Variants in SHISA6 observed in about 807,000 individuals in gnomAD.
The protein encoded by SHISA6 is shisa family member 6, also known as protein shisa-6.
Under a neutral mutation model 47.9 loss-of-function variants are expected in SHISA6, and 22 were observed. The observed-to-expected ratio is 0.46, with a 90% CI of 0.33 to 0.66. SHISA6 has a LOEUF of 0.66. SHISA6 is among the 30% of genes least tolerant of loss of function. The pLI, the probability that SHISA6 is intolerant of heterozygous loss-of-function variation, is 0.02. For missense variants in SHISA6, 680 were observed against 764.6 expected (o/e 0.89, Z 1.30); for synonymous variants, 388 against 337.8 (o/e 1.15, Z -1.63).
intron 2 of SHISA6, among the ~76,000 whole-genome samples, chr17:11,287,289 GGAA>G (rs1909341245): frequency 2.3e-5 from 3 of 130,096 alleles, no homozygotes; most frequent in African/African-American, 8.5e-5. Context: ...AGGAAGGAAA[GGAA>G]GGAAGGAAGG....
chr17:11,306,101 C>T (rs1004397420), intron 2 of SHISA6, among the ~76,000 whole-genome samples: 7 of 152,162 alleles, frequency 4.6e-5, no homozygotes, highest in Admixed American at 1.3e-4. Flanking sequence ...TGACAGTGTA[C>T]TAAGTGTTTT....
intron 2 of SHISA6, among the ~76,000 whole-genome samples, chr17:11,350,054 C>A (rs1297975064): frequency 1.3e-5 from 2 of 151,848 alleles, no homozygotes; most frequent in African/African-American, 4.8e-5. Flanking sequence ...CCATGTTCTC[C>A]CCACCTTTTT....
intron 3 of SHISA6, among the ~76,000 whole-genome samples, chr17:11,521,956 TTTTA>T (rs1426718744): frequency 1.3e-5 from 2 of 151,350 alleles, no homozygotes; most frequent in African/African-American, 2.4e-5. Flanking sequence ...AAATTATTAT[TTTTA>T]TTTATTTATT....
chr17:11,343,254 A>T (rs891273977), intron 2 of SHISA6, among the ~76,000 whole-genome samples: 10 of 152,216 alleles, frequency 6.6e-5, no homozygotes, highest in Admixed American at 6.5e-4. Flanking sequence ...TAAGCTTCTC[A>T]GTTAATTTCC....
At chr17:11,374,889 A>T (rs959825551) in intron 2 of SHISA6, among the ~76,000 whole-genome samples, 2 of 152,032 alleles carry the variant, frequency 1.3e-5, no homozygotes. Flanking sequence ...GGGCGTCATC[A>T]TTGTTTTCAT....
At chr17:11,431,804 C>CAAAACA (rs1347767739) in intron 3 of SHISA6, among the ~76,000 whole-genome samples, 3 of 152,130 alleles carry the variant, frequency 2.0e-5, no homozygotes, top group South Asian at 2.1e-4. Flanking sequence ...ACAACAAAAA[C>CAAAACA]AAAACAAAAA....
chr17:11,279,267 C>T (rs1270820897), intron 2 of SHISA6, among the ~76,000 whole-genome samples: 1 of 152,176 alleles, frequency 6.6e-6, no homozygotes, highest in Non-Finnish European at 1.5e-5. Flanking sequence ...AGCAAAGACA[C>T]TGCTTAACCT....
chr17:11,544,539 A>T (rs2071865286), intron 3 of SHISA6, among the ~76,000 whole-genome samples: 1 of 152,126 alleles, frequency 6.6e-6, no homozygotes, highest in African/African-American at 2.4e-5. Context: ...GCTAAAATTA[A>T]AAAAAAAGAA....
At chr17:11,312,294 T>G (rs1910366883) in intron 2 of SHISA6, among the ~76,000 whole-genome samples, 4 of 152,196 alleles carry the variant, frequency 2.6e-5, no homozygotes. Context: ...ATGTTTTTGT[T>G]TAATTATTAA....
chr17:11,243,273 G>C (rs1907444631), intron 1 of SHISA6, among the ~76,000 whole-genome samples: 1 of 151,756 alleles, frequency 6.6e-6, no homozygotes, highest in African/African-American at 2.4e-5. Context: ...AAGGCAGATA[G>C]AAATTTCTAG....
At position 11,486,059 on chromosome 17, in the gene SHISA6, T is replaced by C. The variant is rs542585224; in HGVS notation, c.896-65837T>C. ...GTAAGAAGCAAACAGGGGGAGTTTTTTCCTTGAATGGGCCGCTCTTCATTT... is the reference window on the plus strand; with the variant it reads ...GTAAGAAGCAAACAGGGGGAGTTTTCTCCTTGAATGGGCCGCTCTTCATTT... On this transcript the variant is annotated intron_variant, in intron 3 of 5. Coordinates refer to ENST00000441885, the MANE Select transcript of SHISA6 (RefSeq NM_207386.4). 2.4e-4 allele frequency among the ~76,000 whole-genome samples: 36 copies of C among 152,300 alleles called. 1 individual carries two copies. The South Asian group carries it at 7.3e-3, about 31-fold the overall frequency.
At chr17:11,545,103 A>G (rs970801927) in intron 3 of SHISA6, among the ~76,000 whole-genome samples, 3 of 152,024 alleles carry the variant, frequency 2.0e-5, no homozygotes, top group Non-Finnish European at 4.4e-5. Flanking sequence ...TCCATTCATA[A>G]TATCCCCAAA....
chr17:11,288,640 A>G (rs1909410717), intron 2 of SHISA6: 1 of 152,144 alleles, frequency 6.6e-6, no homozygotes. Context: ...ATATACCTAC[A>G]TTTTTAGAAT....
chr17:11,512,180 G>A (rs1597560647), intron 3 of SHISA6, among the ~76,000 whole-genome samples: 1 of 152,264 alleles, frequency 6.6e-6, no homozygotes, highest in East Asian at 1.9e-4. Flanking sequence ...AGGTTTTGAT[G>A]ACCTATGTAA....
intron 2 of SHISA6, among the ~76,000 whole-genome samples, chr17:11,329,903 TCTCCCTCC>T (rs377012718): frequency 3.9e-5 from 6 of 151,930 alleles, no homozygotes; most frequent in Non-Finnish European, 7.4e-5. Flanking sequence ...TCTCTTTCTC[TCTCCCTCC>T]CTCCCTCCCT....
chr17:11,352,065 G>A (rs1251576018), intron 2 of SHISA6, among the ~76,000 whole-genome samples: 3 of 152,168 alleles, frequency 2.0e-5, no homozygotes, highest in Non-Finnish European at 4.4e-5. Flanking sequence ...CAAAATCAGA[G>A]CTTGAGAAGT....
Position 11,241,831 on chromosome 17 carries a change from C to T in SHISA6, c.409C>T (p.Leu137=). 1.9e-6 allele frequency: 3 copies of T among 1,551,108 alleles called. No individual in the cohort carries two copies. Among genetic ancestry groups the T allele is most frequent in the East Asian group, 2.4e-5 (1 of 40,914 alleles). ...CTGCTGCAAGAAGCGCCACGAGAAG[C>T]TGGACCAGCGCCAGTGCACCAACTA... The part of the protein sequence containing the change: ...RFCCKKRHEK[L]DQRQCTNYQS... Residue 137 remains leucine, a synonymous_variant, in exon 1 of 6, where the codon CTG becomes TTG. Coordinates refer to ENST00000441885, the MANE Select transcript of SHISA6 (RefSeq NM_207386.4). The surrounding 1 kb of genome is among the most constrained non-coding windows in gnomAD (Gnocchi z 5.5).
chr17:11,522,389 G>A (rs1353044072), intron 3 of SHISA6, among the ~76,000 whole-genome samples: 1 of 152,138 alleles, frequency 6.6e-6, no homozygotes. Flanking sequence ...TCAGCCTCCT[G>A]AGTAGCTGGG....
intron 1 of SHISA6, among the ~76,000 whole-genome samples, chr17:11,262,072 T>G (rs1411728668): frequency 6.6e-6 from 1 of 152,236 alleles, no homozygotes; most frequent in Non-Finnish European, 1.5e-5. Context: ...TCTAGGTATA[T>G]AATCCATTTT....
Sources: allele counts gnomAD v4.1 joint callset (sites outside exome capture counted in the v4.1 genomes callset), GRCh38; gene constraint gnomAD v4.1.1; non-coding constraint Gnocchi (gnomAD v3.1); transcripts MANE v1.5; gene names NCBI Gene and HGNC (gene_info 2026-07-23, HGNC 2026-07-21).